Variants in MAD1L1 observed in about 807,000 individuals in gnomAD.
MAD1L1 encodes mitotic arrest deficient 1 like 1, also known as mitotic spindle assembly checkpoint protein MAD1.
MAD1L1 carries 95 observed loss-of-function variants against 96.9 expected under a neutral mutation model. The observed-to-expected ratio is 0.98, with a 90% CI of 0.83 to 1.16. The LOEUF is 1.16. Ranked by LOEUF, MAD1L1 falls within the 50% of genes most tolerant of loss-of-function variation. MAD1L1 has a pLI of 0.00. For synonymous variants in MAD1L1, 473 were observed against 396.6 expected (o/e 1.19, Z -2.29); for missense variants, 1,007 against 954.4 (o/e 1.06, Z -0.73).
intron 12 of MAD1L1, among the ~76,000 whole-genome samples, chr7:2,021,593 C>A (rs1782789230): frequency 6.7e-6 from 1 of 148,404 alleles, no homozygotes; most frequent in Non-Finnish European, 1.5e-5. Context: ...GGCGAAACCT[C>A]GTCTCTACTG....
intron 13 of MAD1L1, among the ~76,000 whole-genome samples, chr7:2,011,545 G>T (rs1222499033): frequency 1.3e-5 from 2 of 152,184 alleles, no homozygotes; most frequent in African/African-American, 4.8e-5. Flanking sequence ...GTCACTTCAG[G>T]GAAAGGCAGG....
At position 2,211,661 on chromosome 7, in the gene MAD1L1, G is replaced by C. The variant is rs1211412318; in HGVS notation, c.986+1551C>G. Reference sequence around the variant, plus strand: ...AAGCATTTAGGCCCCGCTGAGGCCGGCCCTACAGAAGTCTGTGTTCTACAG... The same window carrying C: ...AAGCATTTAGGCCCCGCTGAGGCCGCCCCTACAGAAGTCTGTGTTCTACAG... On this transcript the variant is annotated intron_variant, in intron 10 of 18. Coordinates refer to ENST00000265854, the MANE Select transcript of MAD1L1 (RefSeq NM_001013836.2). Among the ~76,000 whole-genome samples, 3 of 152,244 alleles carry C rather than the reference G, an allele frequency of 2.0e-5. No homozygotes were observed. In the East Asian group the frequency reaches 5.8e-4, roughly 29 times the overall value.
chr7:2,102,080 A>T (rs749634995), intron 11 of MAD1L1, among the ~76,000 whole-genome samples: 1 of 152,046 alleles, frequency 6.6e-6, no homozygotes, highest in Admixed American at 6.5e-5. Context: ...GGATAAGGTG[A>T]AAACGCAGGC....
intron 16 of MAD1L1, among the ~76,000 whole-genome samples, chr7:1,955,302 C>T (rs1779677587): frequency 6.6e-6 from 1 of 152,188 alleles, no homozygotes; most frequent in East Asian, 1.9e-4. Context: ...GCAGGGGCGG[C>T]AGCCGGCTCC....
chr7:2,112,826 A>C (rs931132781), intron 11 of MAD1L1, among the ~76,000 whole-genome samples: 1 of 152,078 alleles, frequency 6.6e-6, no homozygotes, highest in African/African-American at 2.4e-5. Flanking sequence ...CAGGAAAAAC[A>C]TCTAAGTTTA....
At chr7:1,891,705 G>C (rs1242319870) in intron 18 of MAD1L1, among the ~76,000 whole-genome samples, 3 of 152,064 alleles carry the variant, frequency 2.0e-5, no homozygotes, top group African/African-American at 4.8e-5. Flanking sequence ...CTCAGCCTCT[G>C]GAGTAGCTGG....
chr7:1,958,670 C>T (rs1779830747), intron 15 of MAD1L1, among the ~76,000 whole-genome samples: 1 of 152,158 alleles, frequency 6.6e-6, no homozygotes, highest in South Asian at 2.1e-4. Flanking sequence ...TCAAAGATTA[C>T]CAGACATTTA....
chr7:1,891,559 CAA>C (rs1562495936), intron 18 of MAD1L1, among the ~76,000 whole-genome samples: 4 of 152,090 alleles, frequency 2.6e-5, no homozygotes, highest in Non-Finnish European at 5.9e-5. Context: ...TTTATAAACT[CAA>C]AAAGTTACAA....
At chr7:2,164,606 G>T (rs1268709065) in intron 10 of MAD1L1, among the ~76,000 whole-genome samples, 1 of 132,842 alleles carries the variant, frequency 7.5e-6, no homozygotes, top group African/African-American at 3.0e-5. Context: ...GGGGGGGGGG[G>T]GTTGCGGGTG....
intron 1 of MAD1L1, 56 bp downstream of exon 1, chr7:2,232,816 T>TCCCGGGACC (rs533571401): frequency 1.3e-5 from 2 of 151,670 alleles, no homozygotes; most frequent in African/African-American, 4.9e-5. Context: ...CCCTTGCCAT[T>TCCCGGGACC]CCCGGGACCC....
intron 10 of MAD1L1, among the ~76,000 whole-genome samples, chr7:2,164,003 C>A (rs936184283): frequency 6.6e-6 from 1 of 152,076 alleles, no homozygotes; most frequent in Non-Finnish European, 1.5e-5. Flanking sequence ...CCATTCATTG[C>A]GAATCTGTGA....
chr7:2,058,936 AGAG>A (rs553127993), intron 12 of MAD1L1, among the ~76,000 whole-genome samples: 4 of 96,248 alleles, frequency 4.2e-5, no homozygotes, highest in African/African-American at 2.0e-4. Flanking sequence ...GAGTGTGGCC[AGAG>A]GAGAGGAGAG....
intron 18 of MAD1L1, among the ~76,000 whole-genome samples, chr7:1,875,223 G>A (rs1266082134): frequency 1.3e-5 from 2 of 152,184 alleles, no homozygotes; most frequent in Non-Finnish European, 2.9e-5. Flanking sequence ...CTGCTGCCCT[G>A]CCCGCCCCCA....
intron 17 of MAD1L1, among the ~76,000 whole-genome samples, chr7:1,913,976 G>C (rs973649072): frequency 2.0e-5 from 3 of 151,950 alleles, no homozygotes; most frequent in African/African-American, 7.3e-5. Flanking sequence ...GCCATGCTGG[G>C]GGGGGAGAGG....
At chr7:2,148,223 C>A (rs1789402856) in intron 11 of MAD1L1, among the ~76,000 whole-genome samples, 1 of 152,268 alleles carries the variant, frequency 6.6e-6, no homozygotes. Flanking sequence ...AAAACACTCT[C>A]TCCACAGGAG....
At chr7:1,930,668 C>T (rs1349846613) in intron 17 of MAD1L1, among the ~76,000 whole-genome samples, 2 of 150,932 alleles carry the variant, frequency 1.3e-5, no homozygotes, top group African/African-American at 4.9e-5. Context: ...GCCCTGATTC[C>T]CCAGAGCAGG....
intron 12 of MAD1L1, among the ~76,000 whole-genome samples, chr7:2,061,597 C>T (rs1458950575): frequency 6.6e-6 from 1 of 152,192 alleles, no homozygotes; most frequent in African/African-American, 2.4e-5. Flanking sequence ...GGAGTGCCAC[C>T]TGGCACAGTA....
At chr7:1,819,525 T>C (rs1299640852) in intron 18 of MAD1L1, among the ~76,000 whole-genome samples, 1 of 152,230 alleles carries the variant, frequency 6.6e-6, no homozygotes, top group African/African-American at 2.4e-5. Flanking sequence ...CGGGGACCTC[T>C]GCAGCATGTC....
chr7:2,072,420 CT>C (rs1401461312), intron 11 of MAD1L1, among the ~76,000 whole-genome samples: 2 of 152,348 alleles, frequency 1.3e-5, no homozygotes, highest in East Asian at 1.9e-4. Context: ...AGCGGCCCCC[CT>C]GCCCCCTCCA....
Sources: allele counts gnomAD v4.1 joint callset (sites outside exome capture counted in the v4.1 genomes callset), GRCh38; gene constraint gnomAD v4.1.1; transcripts MANE v1.5; gene names NCBI Gene and HGNC (gene_info 2026-07-23, HGNC 2026-07-21).